Variants in DPF3 observed in about 807,000 individuals in gnomAD.
DPF3 encodes the protein double PHD fingers 3, also known as zinc finger protein DPF3.
In DPF3, 18 loss-of-function variants were observed where a neutral mutation model predicts 56.8. The ratio of observed to expected loss-of-function variants is 0.32; its 90% CI spans 0.22 to 0.47. DPF3 has a LOEUF of 0.47. Among genes scored for constraint, DPF3 ranks in the 20% least tolerant of loss-of-function variants. The pLI, the probability that DPF3 is intolerant of heterozygous loss-of-function variation, is 1.00. For missense variants in DPF3, 403 were observed against 488.8 expected (o/e 0.82, Z 1.65); for synonymous variants, 188 against 180.2 (o/e 1.04, Z -0.35).
At chr14:72,831,564 G>A (rs193002771) in intron 1 of DPF3, among the ~76,000 whole-genome samples, 117 of 152,278 alleles carry the variant, frequency 7.7e-4, no homozygotes, top group African/African-American at 2.6e-3. Flanking sequence ...CCAAGCCCTC[G>A]TTTCATTGAT....
At chr14:72,662,515 T>A (rs1433733157) in intron 8 of DPF3, 1 of 985,188 alleles carries the variant, frequency 1.0e-6, no homozygotes, top group Non-Finnish European at 1.2e-6. Context: ...GTAGAGTAAT[T>A]CCAGGCGGAC....
chr14:72,878,456 T>A (rs1886199883), intron 1 of DPF3, among the ~76,000 whole-genome samples: 1 of 152,184 alleles, frequency 6.6e-6, no homozygotes, highest in Non-Finnish European at 1.5e-5. Context: ...AAAGAAGATG[T>A]ATCCAAAAAC....
chr14:72,661,253 A>G, intron 8 of DPF3: 2 of 985,344 alleles, frequency 2.0e-6, no homozygotes, highest in Non-Finnish European at 2.4e-6. Context: ...AAAATGATAC[A>G]GACACTCTCG....
rs140296810 is a variant in DPF3 at position 72,858,080 on chromosome 14, G to T, written c.32+35977C>A. 8.9e-3 allele frequency among the ~76,000 whole-genome samples: 1,348 copies of T among 152,018 alleles called. 16 individuals are homozygous for T. Among genetic ancestry groups the T allele is most frequent in the African/African-American group, 0.031 (1,270 of 41,430 alleles). On this transcript the variant is annotated intron_variant, in intron 1 of 10. Transcript: ENST00000556509. ...AGGACTTTGGGAGGCTCAGGCAGGC[G>T]GATTACTTGAGGCCAGGAGTTCAAG... is the stretch of plus-strand genomic sequence containing the variant.
intron 3 of DPF3, among the ~76,000 whole-genome samples, chr14:72,747,066 G>T (rs554576845): frequency 1.3e-5 from 2 of 152,314 alleles, no homozygotes; most frequent in Admixed American, 1.3e-4. Context: ...GCCTGCCTCA[G>T]TCCCACCAAC....
intron 1 of DPF3, among the ~76,000 whole-genome samples, chr14:72,863,982 C>T (rs1247288367): frequency 1.3e-5 from 2 of 152,108 alleles, no homozygotes; most frequent in Non-Finnish European, 2.9e-5. Flanking sequence ...GGTGGGAAGC[C>T]CATGGTGGGA....
At chr14:72,836,677 G>A (rs1884311328) in intron 1 of DPF3, among the ~76,000 whole-genome samples, 1 of 151,900 alleles carries the variant, frequency 6.6e-6, no homozygotes, top group South Asian at 2.1e-4. Flanking sequence ...ATCTCGATCT[G>A]GGACCTCAGA....
intron 1 of DPF3, among the ~76,000 whole-genome samples, chr14:72,871,989 C>T (rs1233335489): frequency 1.3e-5 from 2 of 152,230 alleles, no homozygotes; most frequent in Non-Finnish European, 1.5e-5. Context: ...GGCATCCAGG[C>T]GTTTCCATAC....
In DPF3 at chr14:72,662,867, A is replaced by C. The variant is rs1886273180; in HGVS notation, c.871+11373T>G. 3.1e-6 allele frequency: 3 copies of C among 979,146 alleles called. No homozygotes were observed. The South Asian group carries it at 1.4e-4, about 46-fold the overall frequency. 60.7% of individuals were successfully genotyped at this position (979,146 alleles called of 1,614,324 possible). On this transcript the variant is annotated intron_variant, in intron 8 of 10. Coordinates refer to ENST00000556509, the MANE Select transcript of DPF3 (RefSeq NM_001280542.3). ...GGAAAGGCAATGAAAGATAAAACAA[A>C]AAACAACAGCATGGAACAACTACTT...
chr14:72,863,397 GAGA>G (rs1336574110), intron 1 of DPF3, among the ~76,000 whole-genome samples: 5 of 151,924 alleles, frequency 3.3e-5, no homozygotes, highest in African/African-American at 4.8e-5. Flanking sequence ...TTCAGGGGAA[GAGA>G]AGATTACCGA....
intron 1 of DPF3, among the ~76,000 whole-genome samples, chr14:72,818,233 T>C (rs1734929961): frequency 6.6e-6 from 1 of 151,224 alleles, no homozygotes; most frequent in Admixed American, 6.6e-5. Flanking sequence ...AGAGCGAGAC[T>C]CTGCCTCAAA....
intron 1 of DPF3, among the ~76,000 whole-genome samples, chr14:72,870,163 T>C (rs376376013): frequency 6.6e-6 from 1 of 152,284 alleles, no homozygotes; most frequent in East Asian, 1.9e-4. Context: ...CCAAAAAGCA[T>C]GTGCTGGGAA....
At chr14:72,659,457 G>A (rs929019958) in intron 8 of DPF3, among the ~76,000 whole-genome samples, 1 of 152,094 alleles carries the variant, frequency 6.6e-6, no homozygotes, top group African/African-American at 2.4e-5. Context: ...CTGTCCTCAT[G>A]GCCCACTATT....
intron 1 of DPF3, among the ~76,000 whole-genome samples, chr14:72,868,420 T>C (rs1378237543): frequency 2.0e-5 from 3 of 152,196 alleles, no homozygotes; most frequent in Non-Finnish European, 4.4e-5. Flanking sequence ...CATCCCTTTG[T>C]TGTTGCATAT....
At chr14:72,649,660 T>TGGGGGGG (rs372597512) in intron 8 of DPF3, among the ~76,000 whole-genome samples, 16 of 61,120 alleles carry the variant, frequency 2.6e-4, no homozygotes, top group Admixed American at 5.0e-4. Context: ...CATCCCTGGG[T>TGGGGGGG]GGGGGGGGGG....
intron 1 of DPF3, among the ~76,000 whole-genome samples, chr14:72,783,525 A>G (rs934501487): frequency 7.9e-5 from 12 of 152,118 alleles, no homozygotes; most frequent in Admixed American, 2.0e-4. Flanking sequence ...AGCTGCCACC[A>G]CCTGATTCCT....
chr14:72,805,071 C>CACACACACACACACACACACACAA (rs1434206447), intron 1 of DPF3, among the ~76,000 whole-genome samples: 3 of 146,410 alleles, frequency 2.0e-5, no homozygotes, highest in East Asian at 3.9e-4. Flanking sequence ...CACACACAAA[C>CACACACACACACACACACACACAA]ACACAGACAC....
chr14:72,624,421 C>T (rs959600506), intron 9 of DPF3, among the ~76,000 whole-genome samples: 1 of 147,494 alleles, frequency 6.8e-6, no homozygotes, highest in Non-Finnish European at 1.5e-5. Flanking sequence ...TCACTGCAGC[C>T]TCCTTCTCCC....
intron 1 of DPF3, among the ~76,000 whole-genome samples, chr14:72,825,939 A>G (rs1033970617): frequency 2.6e-5 from 4 of 152,146 alleles, no homozygotes; most frequent in African/African-American, 9.7e-5. Flanking sequence ...TCAGAGATCA[A>G]TAAGTGCAAA....
Sources: allele counts gnomAD v4.1 joint callset (sites outside exome capture counted in the v4.1 genomes callset), GRCh38; gene constraint gnomAD v4.1.1; transcripts MANE v1.5; gene names NCBI Gene and HGNC (gene_info 2026-07-23, HGNC 2026-07-21).